The following LTA variants were observed in gnomAD, a reference collection of about 807,000 sequenced individuals.
LTA encodes lymphotoxin-alpha.
In LTA, 6 loss-of-function variants were observed where a neutral mutation model predicts 15.1. That is an observed-to-expected ratio of 0.40 (90% CI 0.22 to 0.78). The LOEUF (loss-of-function observed/expected upper bound fraction) is 0.78. LTA is among the 30% of genes least tolerant of loss of function. The pLI is 0.38. For missense variants in LTA, 173 were observed against 249.5 expected, an observed-to-expected ratio of 0.69 and a Z score of 2.06; for synonymous variants, 87 against 107.3, an observed-to-expected ratio of 0.81 and a Z score of 1.17.
chr6:31,567,610 C>T (rs1458615310), upstream of LTA, among the ~76,000 whole-genome samples: 4 of 148,878 alleles, frequency 2.7e-5, no homozygotes, highest in Non-Finnish European at 4.4e-5. Flanking sequence ...CTCTTTCTCT[C>T]TCTCTCTCTC....
upstream of LTA, among the ~76,000 whole-genome samples, chr6:31,569,833 C>G (rs530823462): frequency 6.6e-6 from 1 of 151,946 alleles, no homozygotes; most frequent in South Asian, 2.1e-4. Context: ...TCTGACCTAT[C>G]TCATCTGATA....
In LTA at chr6:31,573,043, C is replaced by T. The variant is rs545463140; in HGVS notation, c.205+10C>T. 1 of 1,603,108 alleles carries T rather than the reference C, an allele frequency of 6.2e-7. No homozygotes were observed. The highest frequency in any genetic ancestry group is 2.2e-5 in the East Asian group (1 of 44,774). ...GCTGCTCACCTCATTGGTAAACATCCACCTGACCTCCCAGACATGTCCCCA... is the reference window on the plus strand; with the variant it reads ...GCTGCTCACCTCATTGGTAAACATCTACCTGACCTCCCAGACATGTCCCCA... On this transcript the variant is annotated intron_variant, in intron 3 of 3. Coordinates refer to ENST00000418386, the MANE Select transcript of LTA (RefSeq NM_000595.4).
the LTA span, among the ~76,000 whole-genome samples, chr6:31,562,708 T>C: frequency 6.6e-6 from 1 of 151,200 alleles, no homozygotes; most frequent in East Asian, 1.9e-4. Context: ...CTACGAAAGA[T>C]ACAAAAATTA....
At chr6:31,570,447 C>T (rs1399348673), upstream of LTA, among the ~76,000 whole-genome samples, 1 of 152,208 alleles carries the variant, frequency 6.6e-6, no homozygotes, top group Non-Finnish European at 1.5e-5. Context: ...CCCTCTAACA[C>T]TCTCCAAGTA....
the LTA span, among the ~76,000 whole-genome samples, chr6:31,561,290 A>C: frequency 6.6e-6 from 1 of 152,188 alleles, no homozygotes; most frequent in Non-Finnish European, 1.5e-5. Context: ...CAGTACAGAC[A>C]AGGAGTAAGA....
At chr6:31,571,186 G>A (rs539468537), upstream of LTA, among the ~76,000 whole-genome samples, 5 of 151,172 alleles carry the variant, frequency 3.3e-5, no homozygotes, top group African/African-American at 9.7e-5. Flanking sequence ...TCAGCCTCCC[G>A]AGTAGCTGGG....
At chr6:31,567,655 C>T (rs1770643252), upstream of LTA, among the ~76,000 whole-genome samples, 1 of 76,980 alleles carries the variant, frequency 1.3e-5, no homozygotes, top group East Asian at 4.6e-4. Context: ...AACACACACA[C>T]ACACACACAC....
At chr6:31,564,163 T>C in the LTA span, among the ~76,000 whole-genome samples, 7 of 152,224 alleles carry the variant, frequency 4.6e-5, no homozygotes, top group African/African-American at 1.7e-4. Flanking sequence ...ACCTTACTCC[T>C]GGGTGGCTAA....
upstream of LTA, among the ~76,000 whole-genome samples, chr6:31,567,823 G>C (rs1396204154): frequency 3.3e-5 from 5 of 151,714 alleles, no homozygotes; most frequent in East Asian, 9.6e-4. Flanking sequence ...CCGCCTCCCA[G>C]TCTCTCTCTC....
the LTA span, among the ~76,000 whole-genome samples, chr6:31,561,012 A>G: frequency 1.3e-5 from 2 of 152,212 alleles, no homozygotes; most frequent in Non-Finnish European, 2.9e-5. Flanking sequence ...CTGAGGAGAC[A>G]GCATTTGAAC....
At chr6:31,563,320 A>T in the LTA span, among the ~76,000 whole-genome samples, 2 of 148,592 alleles carry the variant, frequency 1.3e-5, no homozygotes, top group Non-Finnish European at 3.0e-5. Context: ...TAAATATAAC[A>T]AAATTAAGGA....
At chr6:31,568,738 C>T (rs2150381191), upstream of LTA, among the ~76,000 whole-genome samples, 2 of 152,242 alleles carry the variant, frequency 1.3e-5, no homozygotes, top group Middle Eastern at 6.8e-3. The surrounding 1 kb of genome is among the most constrained non-coding windows in gnomAD (Gnocchi z 4.1). Context: ...AAGAAAGAAA[C>T]CAAATTCATA....
chr6:31,569,828 C>T (rs182950894), upstream of LTA, among the ~76,000 whole-genome samples: 2 of 151,726 alleles, frequency 1.3e-5, no homozygotes, highest in Admixed American at 6.6e-5. Flanking sequence ...AATTTTCTGA[C>T]CTATCTCATC....
chr6:31,561,302 A>G, the LTA span, among the ~76,000 whole-genome samples: 1 of 152,258 alleles, frequency 6.6e-6, no homozygotes, highest in South Asian at 2.1e-4. Context: ...GGAGTAAGAA[A>G]ACGGCCATCA....
upstream of LTA, among the ~76,000 whole-genome samples, chr6:31,571,892 CAA>C (rs2150383452): frequency 6.6e-6 from 1 of 150,630 alleles, no homozygotes; most frequent in Admixed American, 6.6e-5. Flanking sequence ...AGGAAATGGG[CAA>C]AGAGAGAAGC....
chr6:31,563,727 C>A, the LTA span, among the ~76,000 whole-genome samples: 2 of 152,292 alleles, frequency 1.3e-5, no homozygotes, highest in East Asian at 3.9e-4. Context: ...CCTCCCTCAG[C>A]CTCCAGAGTA....
At chr6:31,566,959 A>T in the LTA span, among the ~76,000 whole-genome samples, 1 of 151,002 alleles carries the variant, frequency 6.6e-6, no homozygotes, top group Non-Finnish European at 1.5e-5. Context: ...GAAAGAAAAA[A>T]AATCCAGGGC....
At position 31,573,466 on chromosome 6, in the gene LTA, C is replaced by T. The variant is rs762245667; in HGVS notation, c.391C>T (p.Leu131=). The change falls in exon 4 of 4, where the codon CTG becomes TTG. Residue 131 remains leucine, a synonymous_variant. Transcript: ENST00000418386. ...SPKATSSPLY[L]AHEVQLFSSQ... ...CAAGGCCACCTCCTCCCCACTCTAC[C>T]TGGCCCATGAGGTCCAGCTCTTCTC... 5.6e-6 allele frequency: 9 copies of T among 1,614,050 alleles called. No homozygotes were observed. The highest frequency in any genetic ancestry group is 7.6e-6 in the Non-Finnish European group (9 of 1,180,028).
At chr6:31,564,707 A>G in the LTA span, among the ~76,000 whole-genome samples, 1 of 150,556 alleles carries the variant, frequency 6.6e-6, no homozygotes, top group Admixed American at 6.6e-5. Context: ...GGAGTTCAAG[A>G]CCAGCCTAGG....
Sources: gnomAD v4.1 joint callset for allele counts (sites outside exome capture counted in the v4.1 genomes callset) on GRCh38, gnomAD v4.1.1 for gene constraint, Gnocchi (gnomAD v3.1) non-coding constraint, MANE v1.5 for transcripts, NCBI Gene and HGNC (gene_info 2026-07-23, HGNC 2026-07-21) for gene names.